SNTB2: variants seen among roughly 807,000 people sequenced by gnomAD.
SNTB2 encodes beta-2-syntrophin.
A neutral mutation model predicts 46.2 loss-of-function variants in SNTB2; 34 were observed. The observed-to-expected ratio is 0.74, with a 90% CI of 0.56 to 0.98. SNTB2 has a LOEUF of 0.98. Among genes scored for constraint, SNTB2 ranks in the 50% least tolerant of loss-of-function variants. The pLI, the probability that SNTB2 is intolerant of heterozygous loss-of-function variation, is 0.00. For synonymous variants in SNTB2, 290 were observed against 312.6 expected (o/e 0.93, Z 0.76); for missense variants, 603 against 731.4 (o/e 0.82, Z 2.02).
chr16:69,285,309 A>T (rs1965091741), intron 5 of SNTB2, among the ~76,000 whole-genome samples: 1 of 150,976 alleles, frequency 6.6e-6, no homozygotes. Flanking sequence ...CTCGAAGTAC[A>T]TTTATAATAC....
chr16:69,245,208 T>C (rs1964658095), intron 1 of SNTB2, among the ~76,000 whole-genome samples: 1 of 152,138 alleles, frequency 6.6e-6, no homozygotes, highest in South Asian at 2.1e-4. Flanking sequence ...TGTTTGTTTG[T>C]TTGTTTTTGA....
In SNTB2 at chr16:69,187,452, C is replaced by G. The variant is rs1034652574; in HGVS notation, c.286C>G (p.Pro96Ala). 8.6e-7 allele frequency: 1 copy of G among 1,169,418 alleles called. No individual in the cohort carries two copies. The highest frequency in any genetic ancestry group is 4.7e-5 in the Admixed American group (1 of 21,342). 72.4% of individuals were successfully genotyped at this position (1,169,418 alleles called of 1,614,324 possible). ...SPSRGLGPPS[P>A]PAPPRGPAGE... ...AAGCCGCGGCCTGGGGCCCCCGAGC[C>G]CGCCGGCGCCGCCTCGGGGCCCCGC... The change falls in exon 1 of 7, where the codon CCG (proline) becomes GCG (alanine). Residue 96 changes from proline (P) to alanine (A), a missense_variant. Pro to Ala is a conservative substitution (Grantham distance 27). Around this residue, in one of 2 missense-constraint regions of SNTB2, gnomAD observed 537 missense variants for 692.4 expected, o/e 0.78. Transcript: ENST00000336278.
chr16:69,210,733 C>G (rs1964275141), intron 1 of SNTB2, among the ~76,000 whole-genome samples: 1 of 152,132 alleles, frequency 6.6e-6, no homozygotes, highest in Non-Finnish European at 1.5e-5. Context: ...CGGGTCACGC[C>G]TGTAATCCCA....
chr16:69,254,440 C>G (rs988130899), intron 2 of SNTB2, among the ~76,000 whole-genome samples: 1 of 152,174 alleles, frequency 6.6e-6, no homozygotes, highest in African/African-American at 2.4e-5. Flanking sequence ...TTGTTGTAGT[C>G]ACTCCTCTCC....
At chr16:69,195,767 G>T (rs1032489354) in intron 1 of SNTB2, among the ~76,000 whole-genome samples, 1 of 152,124 alleles carries the variant, frequency 6.6e-6, no homozygotes, top group African/African-American at 2.4e-5. Flanking sequence ...GACTCCAATA[G>T]TTCTGCTTTG....
At chr16:69,274,276 C>T (rs543735875) in intron 4 of SNTB2, among the ~76,000 whole-genome samples, 106 of 150,254 alleles carry the variant, frequency 7.1e-4, no homozygotes, top group Admixed American at 3.7e-3. Flanking sequence ...TGCACCACTG[C>T]ACTCTAGCCT....
intron 6 of SNTB2, 34 bp downstream of exon 6, chr16:69,299,808 T>C (rs1965262304): frequency 1.3e-6 from 2 of 1,591,352 alleles, no homozygotes; most frequent in Non-Finnish European, 1.7e-6. Context: ...GTTTATCTAA[T>C]AGATGTTCTC....
chr16:69,205,242 TGG>T (rs1964203296), intron 1 of SNTB2, among the ~76,000 whole-genome samples: 1 of 150,982 alleles, frequency 6.6e-6, no homozygotes, highest in South Asian at 2.1e-4. Context: ...CACCACCTCC[TGG>T]GTTCAAGCAA....
At chr16:69,189,536 C>T (rs1256781513) in intron 1 of SNTB2, among the ~76,000 whole-genome samples, 1 of 152,032 alleles carries the variant, frequency 6.6e-6, no homozygotes, top group African/African-American at 2.4e-5. Flanking sequence ...GGGCAGATCA[C>T]CTGAGGTCAG....
intron 3 of SNTB2, among the ~76,000 whole-genome samples, chr16:69,260,601 G>A (rs778758080): frequency 5.3e-5 from 8 of 152,176 alleles, no homozygotes; most frequent in East Asian, 1.9e-4. Context: ...GCAAGATAGC[G>A]TCACGGCTAC....
At chr16:69,237,456 A>G (rs1964569015) in intron 1 of SNTB2, among the ~76,000 whole-genome samples, 1 of 151,946 alleles carries the variant, frequency 6.6e-6, no homozygotes, top group Non-Finnish European at 1.5e-5. Flanking sequence ...ATAAGCAGAA[A>G]TTGTTTTGTT....
At chr16:69,217,125 G>A (rs1964354995) in intron 1 of SNTB2, among the ~76,000 whole-genome samples, 1 of 152,178 alleles carries the variant, frequency 6.6e-6, no homozygotes, top group Non-Finnish European at 1.5e-5. Flanking sequence ...TAACGGTAAA[G>A]TAATAAAATG....
At position 69,199,595 on chromosome 16, in the gene SNTB2, C is replaced by CAAAAAAAAAAAAAAAAAAAAAAAAAAA. The variant is rs60011703; in HGVS notation, c.580+11865_580+11866insAAAAAAAAAAAAAAAAAAAAAAAAAAA. Among the ~76,000 whole-genome samples the CAAAAAAAAAAAAAAAAAAAAAAAAAAA allele has an allele frequency of 2.8e-3, 215 of 76,694 alleles. 6 individuals carry two copies. Among genetic ancestry groups the CAAAAAAAAAAAAAAAAAAAAAAAAAAA allele is most frequent in the Non-Finnish European group, 3.6e-3 (139 of 38,156 alleles). 50.3% of individuals were successfully genotyped at this position (76,694 alleles called of 152,430 possible). A position where few individuals can be genotyped will look rare whatever the true frequency, so the allele number is the denominator to read the frequency against. ...TGGACAACAGAGTGAAACACTGCCT[C>CAAAAAAAAAAAAAAAAAAAAAAAAAAA]AAAAAAAAAAAAAAAAGGCGATCTT... is the stretch of plus-strand genomic sequence containing the variant. On this transcript the variant is annotated intron_variant, in intron 1 of 6. Coordinates refer to ENST00000336278, the MANE Select transcript of SNTB2 (RefSeq NM_006750.4).
At chr16:69,263,193 A>G (rs1220158626) in intron 3 of SNTB2, among the ~76,000 whole-genome samples, 2 of 150,672 alleles carry the variant, frequency 1.3e-5, no homozygotes, top group African/African-American at 2.4e-5. Flanking sequence ...TGCAGCCTCA[A>G]CCTCCTGGGC....
chr16:69,227,372 TAC>T (rs1964469220), intron 1 of SNTB2, among the ~76,000 whole-genome samples: 1 of 152,194 alleles, frequency 6.6e-6, no homozygotes, highest in Non-Finnish European at 1.5e-5. Flanking sequence ...TGCGTATTGT[TAC>T]AGTGATGCCA....
intron 1 of SNTB2, among the ~76,000 whole-genome samples, chr16:69,225,812 G>C (rs1282190223): frequency 6.6e-5 from 10 of 152,228 alleles, no homozygotes; most frequent in African/African-American, 2.4e-4. Flanking sequence ...CTGTCACCCA[G>C]GCTGGAGTGC....
chr16:69,252,751 C>A (rs1443261905), intron 2 of SNTB2, among the ~76,000 whole-genome samples: 2 of 152,154 alleles, frequency 1.3e-5, no homozygotes, highest in Non-Finnish European at 2.9e-5. Flanking sequence ...TGACAAGAGG[C>A]CAAAACTTCA....
chr16:69,295,230 ATTTTTTTTTTTTTTTT>A (rs1160903028), intron 5 of SNTB2, among the ~76,000 whole-genome samples: 1 of 81,916 alleles, frequency 1.2e-5, no homozygotes, highest in Non-Finnish European at 2.2e-5. Context: ...AACATACTGA[ATTTTTTTTTTTTTTTT>A]TTTTTTTTTT....
intron 1 of SNTB2, among the ~76,000 whole-genome samples, chr16:69,196,750 A>G (rs772955985): frequency 2.0e-5 from 3 of 152,164 alleles, no homozygotes; most frequent in Non-Finnish European, 4.4e-5. Context: ...GAGTCCTGGA[A>G]GATTAAACAG....
Sources: allele counts gnomAD v4.1 joint callset (sites outside exome capture counted in the v4.1 genomes callset), GRCh38; gene constraint gnomAD v4.1.1; regional missense constraint gnomAD v4.1.1; transcripts MANE v1.5; gene names NCBI Gene and HGNC (gene_info 2026-07-23, HGNC 2026-07-21).